The following RPS6KC1 variants were observed in gnomAD, a reference collection of about 807,000 sequenced individuals.
The protein encoded by RPS6KC1 is inactive ribosomal protein S6 kinase delta-1.
Under a neutral mutation model 103.8 loss-of-function variants are expected in RPS6KC1, and 54 were observed. The ratio of observed to expected loss-of-function variants is 0.52; its 90% CI spans 0.42 to 0.65. The LOEUF (loss-of-function observed/expected upper bound fraction) is 0.65, where lower values mean the gene tolerates loss of function less well. RPS6KC1 is among the 30% of genes least tolerant of loss of function. The probability of loss-of-function intolerance (pLI) is 0.00; values close to 1 mark genes in which losing one functional copy is unlikely to be tolerated. For synonymous variants in RPS6KC1, 439 were observed against 438.7 expected, an observed-to-expected ratio of 1.00 and a Z score of -0.01; for missense variants, 1,151 against 1,253.8, an observed-to-expected ratio of 0.92 and a Z score of 1.24.
At chr1:213,787,058 C>T in the RPS6KC1 span, among the ~76,000 whole-genome samples, 14 of 152,304 alleles carry the variant, frequency 9.2e-5, no homozygotes, top group South Asian at 4.1e-4. Context: ...AAACTGACAA[C>T]GGCTTCTGTC....
At chr1:213,489,877 A>G in the RPS6KC1 span, among the ~76,000 whole-genome samples, 1 of 152,216 alleles carries the variant, frequency 6.6e-6, no homozygotes, top group Middle Eastern at 3.2e-3. Context: ...TTATTTGGAC[A>G]TAAAGGTGGA....
chr1:213,624,434 T>C, the RPS6KC1 span, among the ~76,000 whole-genome samples: 1 of 152,194 alleles, frequency 6.6e-6, no homozygotes, highest in African/African-American at 2.4e-5. Context: ...AGAGTGTACA[T>C]GGAAGGGCTG....
the RPS6KC1 span, among the ~76,000 whole-genome samples, chr1:213,715,512 C>G: frequency 6.6e-6 from 1 of 152,148 alleles, no homozygotes; most frequent in Non-Finnish European, 1.5e-5. Flanking sequence ...TTCAGGTCTT[C>G]CAAGTAAGTG....
chr1:213,517,844 T>C, the RPS6KC1 span, among the ~76,000 whole-genome samples: 1 of 152,152 alleles, frequency 6.6e-6, no homozygotes, highest in African/African-American at 2.4e-5. Context: ...AAGTCTCCCA[T>C]TATTATTGTG....
chr1:213,455,506 C>T, the RPS6KC1 span, among the ~76,000 whole-genome samples: 1 of 152,172 alleles, frequency 6.6e-6, no homozygotes, highest in African/African-American at 2.4e-5. Flanking sequence ...AATTTCAGGT[C>T]TATCCTAAGT....
At chr1:213,083,819 C>T (rs1451563107) in intron 3 of RPS6KC1, among the ~76,000 whole-genome samples, 1 of 152,110 alleles carries the variant, frequency 6.6e-6, no homozygotes, top group Non-Finnish European at 1.5e-5. Context: ...GTCTGTATGA[C>T]TGTTAGCATA....
intron 5 of RPS6KC1, among the ~76,000 whole-genome samples, chr1:213,127,030 C>G (rs1031586766): frequency 1.3e-5 from 2 of 151,908 alleles, no homozygotes; most frequent in African/African-American, 4.8e-5. Context: ...AGATAATGTT[C>G]AGTGGTGAAT....
chr1:213,171,909 T>G (rs968439151), intron 7 of RPS6KC1, among the ~76,000 whole-genome samples: 4 of 152,214 alleles, frequency 2.6e-5, no homozygotes, highest in Non-Finnish European at 4.4e-5. Context: ...TCAGGAGCTT[T>G]GTCATAATTA....
chr1:213,757,297 TACAA>T, the RPS6KC1 span, among the ~76,000 whole-genome samples: 47 of 152,230 alleles, frequency 3.1e-4, no homozygotes, highest in African/African-American at 1.1e-3. Flanking sequence ...AAGTTGTGAA[TACAA>T]AAGAAAATTT....
the RPS6KC1 span, among the ~76,000 whole-genome samples, chr1:213,595,243 C>T: frequency 6.6e-6 from 1 of 152,146 alleles, no homozygotes; most frequent in Non-Finnish European, 1.5e-5. Context: ...CTCACAGACC[C>T]AGACACAGGC....
the RPS6KC1 span, among the ~76,000 whole-genome samples, chr1:213,459,997 T>C: frequency 0.029 from 4,394 of 152,306 alleles, 213 homozygotes; most frequent in African/African-American, 0.1. Flanking sequence ...AGTGTTTTAC[T>C]TCCAATTATG....
the RPS6KC1 span, among the ~76,000 whole-genome samples, chr1:213,629,606 G>A: frequency 1.3e-5 from 2 of 152,014 alleles, no homozygotes; most frequent in African/African-American, 2.4e-5. Context: ...ATTGTTATGT[G>A]TGAATTTGAT....
chr1:213,302,137 T>C, the RPS6KC1 span, among the ~76,000 whole-genome samples: 1 of 152,206 alleles, frequency 6.6e-6, no homozygotes, highest in East Asian at 1.9e-4. Flanking sequence ...CCTTTCTCCT[T>C]TATTCCCCTC....
the RPS6KC1 span, among the ~76,000 whole-genome samples, chr1:213,521,249 T>C: frequency 6.6e-6 from 1 of 152,236 alleles, no homozygotes; most frequent in Non-Finnish European, 1.5e-5. Context: ...ATGAATTTTT[T>C]GGTTTCCCAG....
the RPS6KC1 span, among the ~76,000 whole-genome samples, chr1:213,288,656 G>A: frequency 1.3e-5 from 2 of 152,134 alleles, no homozygotes; most frequent in Non-Finnish European, 2.9e-5. Flanking sequence ...TCATATTATT[G>A]CATTTCTGTG....
chr1:213,088,216 C>G (rs1331084247), intron 3 of RPS6KC1, among the ~76,000 whole-genome samples: 1 of 152,164 alleles, frequency 6.6e-6, no homozygotes, highest in African/African-American at 2.4e-5. Context: ...GGCTGCAACC[C>G]AACCACACCT....
the RPS6KC1 span, among the ~76,000 whole-genome samples, chr1:213,729,268 G>A: frequency 6.6e-6 from 1 of 151,982 alleles, no homozygotes; most frequent in South Asian, 2.1e-4. Context: ...CACATCCTCG[G>A]GTTTGAGGGC....
At chr1:213,793,648 T>C in the RPS6KC1 span, among the ~76,000 whole-genome samples, 1 of 152,152 alleles carries the variant, frequency 6.6e-6, no homozygotes, top group African/African-American at 2.4e-5. Flanking sequence ...AGCATGTCAG[T>C]CAAGACTAAC....
the RPS6KC1 span, among the ~76,000 whole-genome samples, chr1:213,547,989 T>C: frequency 1.3e-5 from 2 of 152,242 alleles, no homozygotes; most frequent in African/African-American, 2.4e-5. Flanking sequence ...AGGATTTTCA[T>C]AGAAGTGTCG....
Sources: gnomAD v4.1 joint callset for allele counts (sites outside exome capture counted in the v4.1 genomes callset) on GRCh38, gnomAD v4.1.1 for gene constraint, MANE v1.5 for transcripts, NCBI Gene and HGNC (gene_info 2026-07-23, HGNC 2026-07-21) for gene names.